DPCD: variants seen among roughly 807,000 people sequenced by gnomAD.
DPCD encodes the protein protein DPCD.
A neutral mutation model predicts 26.4 loss-of-function variants in DPCD; 20 were observed. The observed-to-expected ratio is 0.76, with a 90% confidence interval of 0.53 to 1.10. The LOEUF is 1.10. DPCD is among the 50% of genes least tolerant of loss of function. The probability of loss-of-function intolerance (pLI) is 0.00; values close to 1 mark genes in which losing one functional copy is unlikely to be tolerated. For synonymous variants in DPCD, 97 were observed against 94.2 expected (o/e 1.03, Z -0.17); for missense variants, 202 against 253.9 (o/e 0.80, Z 1.39).
At chr10:101,594,632 T>G (rs1564891494) in intron 1 of DPCD, 26 bp from the exon 2 acceptor site, 1 of 1,611,464 alleles carries the variant, frequency 6.2e-7, no homozygotes, top group Non-Finnish European at 8.5e-7. Flanking sequence ...GACTTTGAGG[T>G]AAGGCATTCT....
At chr10:101,597,307 C>T (rs181160396) in intron 2 of DPCD, among the ~76,000 whole-genome samples, 248 of 152,362 alleles carry the variant, frequency 1.6e-3, no homozygotes, top group African/African-American at 5.6e-3. Context: ...CGATTCCCTT[C>T]GGCCTCCTCT....
intron 2 of DPCD, among the ~76,000 whole-genome samples, chr10:101,599,102 T>C (rs766644062): frequency 6.6e-6 from 1 of 152,234 alleles, no homozygotes; most frequent in Non-Finnish European, 1.5e-5. Flanking sequence ...ATTGTCAATA[T>C]GCCTGAGAAA....
At chr10:101,602,223 G>T (rs1486502457) in intron 4 of DPCD, among the ~76,000 whole-genome samples, 1 of 152,206 alleles carries the variant, frequency 6.6e-6, no homozygotes, top group African/African-American at 2.4e-5. Context: ...ATGCCTCATG[G>T]GGATGCCCCC....
chr10:101,593,273 G>T (rs1462732500), intron 1 of DPCD, among the ~76,000 whole-genome samples: 2 of 152,162 alleles, frequency 1.3e-5, no homozygotes, highest in East Asian at 1.9e-4. Flanking sequence ...ATGATTAAGG[G>T]TGGTATTACC....
intron 3 of DPCD, among the ~76,000 whole-genome samples, 168 bp from the exon 4 acceptor site, chr10:101,601,035 C>T (rs996354065): frequency 1.3e-5 from 2 of 152,074 alleles, no homozygotes; most frequent in Admixed American, 6.5e-5. Flanking sequence ...TTGGCTTGAT[C>T]GTCCCAGGGC....
In DPCD at chr10:101,603,443, T is replaced by C. The variant is rs1402650697; in HGVS notation, c.404+2107T>C. On this transcript the variant is annotated intron_variant, in intron 4 of 5. Coordinates refer to ENST00000370151, the MANE Select transcript of DPCD (RefSeq NM_015448.3). This position sits in a 1 kb window ranked among gnomAD's most constrained non-coding sequence, Gnocchi z 4.6. ...ACATTCTTTTTTATTTTTATTTTTA[T>C]TTATTTATTTTTTTTTTAAGAGATG... Among the ~76,000 whole-genome samples, 4 of 151,932 alleles carry C rather than the reference T, an allele frequency of 2.6e-5. No homozygotes were observed. Among genetic ancestry groups the C allele is most frequent in the Non-Finnish European group, 4.4e-5 (3 of 67,992 alleles).
chr10:101,601,393 G>C (rs1369558847), intron 4 of DPCD, 57 bp downstream of exon 4: 1 of 1,541,270 alleles, frequency 6.5e-7, no homozygotes, highest in Non-Finnish European at 8.8e-7. Flanking sequence ...GTAGGGTGGG[G>C]TTTGATCTGG....
chr10:101,589,134 A>C (rs886356881), intron 1 of DPCD, among the ~76,000 whole-genome samples: 14 of 152,210 alleles, frequency 9.2e-5, no homozygotes, highest in African/African-American at 3.4e-4. Context: ...GAGGCTTTCA[A>C]GATAACAACT....
intron 4 of DPCD, among the ~76,000 whole-genome samples, chr10:101,608,488 G>C (rs987663365): frequency 6.6e-6 from 1 of 152,206 alleles, no homozygotes; most frequent in Non-Finnish European, 1.5e-5. Context: ...GGCTTTGGGG[G>C]TAGAGGAGTC....
chr10:101,605,309 C>A, intron 4 of DPCD: 1 of 1,504,556 alleles, frequency 6.6e-7, no homozygotes, highest in Non-Finnish European at 8.9e-7. Flanking sequence ...GCCTCTGGTG[C>A]CCTTTTGGGT....
rs569580046 is a variant in DPCD at position 101,603,618 on chromosome 10, G to C, written c.404+2282G>C. Among the ~76,000 whole-genome samples the C allele has an allele frequency of 6.6e-6, 1 of 152,146 alleles. No homozygotes were observed. The highest frequency in any genetic ancestry group is 2.4e-5 in the African/African-American group (1 of 41,536). The stretch of plus-strand genomic sequence containing the variant: ...CTAAAAATACAAAAATTAGCCAGGC[G>C]TGGTGGTGCATGCCTGTAGTCCCAG... On this transcript the variant is annotated intron_variant, in intron 4 of 5. Coordinates refer to ENST00000370151, the MANE Select transcript of DPCD (RefSeq NM_015448.3). The surrounding 1 kb of genome is among the most constrained non-coding windows in gnomAD (Gnocchi z 4.6).
At chr10:101,607,798 C>T (rs549151018) in intron 4 of DPCD, among the ~76,000 whole-genome samples, 2 of 152,280 alleles carry the variant, frequency 1.3e-5, no homozygotes, top group East Asian at 3.9e-4. Flanking sequence ...TGATGCCTTG[C>T]CCAAGTGACA....
chr10:101,595,747 C>G lies in DPCD; in HGVS notation c.145+1009C>G, dbSNP rs2063647082. 2.0e-5 allele frequency among the ~76,000 whole-genome samples: 3 copies of G among 152,254 alleles called. No individual in the cohort carries two copies. In the South Asian group the frequency reaches 6.2e-4, roughly 32 times the overall value. On this transcript the variant is annotated intron_variant, in intron 2 of 5. Transcript: ENST00000370151. ...TATTATGAGCTGCTTGGGCTCCAGT[C>G]CCAGTTGGTTTAGTCTGGTGCTATT...
chr10:101,588,424 T>G, intron 1 of DPCD, 24 bp downstream of exon 1: 1 of 1,572,400 alleles, frequency 6.4e-7, no homozygotes, highest in Non-Finnish European at 8.6e-7. Flanking sequence ...CCCCACGGGC[T>G]CCTTCGTTTT....
intron 3 of DPCD, 101 bp from the exon 4 acceptor site, chr10:101,601,102 G>A: frequency 6.4e-7 from 1 of 1,553,860 alleles, no homozygotes; most frequent in Non-Finnish European, 8.7e-7. Flanking sequence ...GAGCAGTGGA[G>A]AAGAGCTGAG....
chr10:101,588,504 C>A, intron 1 of DPCD, 104 bp downstream of exon 1: 1 of 1,506,342 alleles, frequency 6.6e-7, no homozygotes, highest in Non-Finnish European at 8.9e-7. Context: ...AGGGTCTCGG[C>A]GGTCAGCCGG....
At chr10:101,588,590 C>T (rs960796560) in intron 1 of DPCD, 190 bp downstream of exon 1, 4 of 1,422,282 alleles carry the variant, frequency 2.8e-6, no homozygotes, top group East Asian at 5.1e-5. Flanking sequence ...TCTCCGGACA[C>T]CCCTTAGATT....
At chr10:101,594,881 C>T (rs2063639394) in intron 2 of DPCD, 143 bp downstream of exon 2, 7 of 720,164 alleles carry the variant, frequency 9.7e-6, no homozygotes, top group Non-Finnish European at 1.6e-5. Context: ...GAGACAACAA[C>T]GTTCCTGAGC....
chr10:101,608,307 G>A (rs1314421895), intron 4 of DPCD, among the ~76,000 whole-genome samples: 1 of 152,188 alleles, frequency 6.6e-6, no homozygotes, highest in African/African-American at 2.4e-5. Context: ...GGCCTACAAG[G>A]CCAGGCTAAC....
Sources: allele counts gnomAD v4.1 joint callset (sites outside exome capture counted in the v4.1 genomes callset), GRCh38; gene constraint gnomAD v4.1.1; non-coding constraint Gnocchi (gnomAD v3.1); transcripts MANE v1.5; gene names NCBI Gene and HGNC (gene_info 2026-07-23, HGNC 2026-07-21).